The following ACACB variants were observed in gnomAD, a reference collection of about 807,000 sequenced individuals.
ACACB encodes acetyl-CoA carboxylase beta, also known as acetyl-CoA carboxylase 2.
Under a neutral mutation model 278.8 loss-of-function variants are expected in ACACB, and 209 were observed. That is an observed-to-expected ratio of 0.75 (90% confidence interval 0.67 to 0.84). The LOEUF (loss-of-function observed/expected upper bound fraction) is 0.84. Among genes scored for constraint, ACACB ranks in the 40% least tolerant of loss-of-function variants. The pLI is 0.00. For synonymous variants in ACACB, 1,174 were observed against 1,285.6 expected (o/e 0.91, Z 1.86); for missense variants, 2,850 against 3,269.0 (o/e 0.87, Z 3.13).
At chr12:109,257,302 T>C (rs2047252959) in intron 45 of ACACB, among the ~76,000 whole-genome samples, 1 of 151,296 alleles carries the variant, frequency 6.6e-6, no homozygotes, top group South Asian at 2.1e-4. Flanking sequence ...ATAAATTATA[T>C]TTTTAAAAGC....
At chr12:109,219,913 A>AT (rs1300732226) in intron 24 of ACACB, among the ~76,000 whole-genome samples, 1 of 152,186 alleles carries the variant, frequency 6.6e-6, no homozygotes, top group Non-Finnish European at 1.5e-5. Context: ...GGGGAGTTCT[A>AT]TTACTAAAAT....
At chr12:109,175,378 GGTT>G (rs1402264110) in intron 7 of ACACB, among the ~76,000 whole-genome samples, 1 of 152,012 alleles carries the variant, frequency 6.6e-6, no homozygotes, top group African/African-American at 2.4e-5. Flanking sequence ...AGATTAATAT[GGTT>G]GTTGTTGGTC....
chr12:109,151,469 C>A (rs931654724), intron 2 of ACACB, among the ~76,000 whole-genome samples: 2 of 151,928 alleles, frequency 1.3e-5, no homozygotes, highest in Non-Finnish European at 2.9e-5. Context: ...CAGTCCCCCC[C>A]ACCCCATATA....
chr12:109,256,250 C>T lies in ACACB; in HGVS notation c.6263+14C>T, dbSNP rs748281600. 97 of 1,609,734 alleles carry T rather than the reference C, an allele frequency of 6.0e-5. No homozygotes were observed. The highest frequency in any genetic ancestry group is 1.6e-4 in the Middle Eastern group (1 of 6,070). ...AGGACGAGCAAGGTAATCATGAAGA[C>T]GGGAGCAGGCTGCCCATGTCTGACT... On this transcript the variant is annotated intron_variant, in intron 45 of 52. Coordinates refer to ENST00000338432, the MANE Select transcript of ACACB (RefSeq NM_001093.4).
Position 109,171,794 on chromosome 12 carries a change from T to G in ACACB, c.926-11T>G. The G allele has an allele frequency of 1.9e-6, 3 of 1,606,450 alleles. No individual in the cohort carries two copies. Among genetic ancestry groups the G allele is most frequent in the Non-Finnish European group, 2.6e-6 (3 of 1,173,080 alleles). ...AGCAGTTCCTTCCTTCTCCCTCCCA[T>G]TTAATTTCAGAGTACATCAAGATGG... On this transcript the variant is annotated splice_polypyrimidine_tract_variant and intron_variant, in intron 4 of 52. Transcript: ENST00000338432.
At chr12:109,192,456 C>T (rs1417615744) in intron 15 of ACACB, among the ~76,000 whole-genome samples, 3 of 151,970 alleles carry the variant, frequency 2.0e-5, no homozygotes, top group Non-Finnish European at 2.9e-5. Context: ...GAACCTGTCC[C>T]GTGCATCATA....
At chr12:109,199,079 A>G (rs2045240219) in intron 17 of ACACB, among the ~76,000 whole-genome samples, 1 of 152,004 alleles carries the variant, frequency 6.6e-6, no homozygotes, top group African/African-American at 2.4e-5. Context: ...AGTCCCAGCT[A>G]TGCGGGAGGC....
intron 7 of ACACB, among the ~76,000 whole-genome samples, 173 bp downstream of exon 7, chr12:109,174,403 G>A (rs2044216327): frequency 6.6e-6 from 1 of 151,944 alleles, no homozygotes; most frequent in African/African-American, 2.4e-5. Flanking sequence ...GTAAACAAGT[G>A]GTATAATTTA....
At chr12:109,163,300 C>T (rs756888286) in intron 2 of ACACB, among the ~76,000 whole-genome samples, 7 of 152,182 alleles carry the variant, frequency 4.6e-5, no homozygotes, top group African/African-American at 9.7e-5. Flanking sequence ...ACAGAAACCA[C>T]GCTGGAGAAG....
intron 22 of ACACB, among the ~76,000 whole-genome samples, chr12:109,213,310 C>T (rs1005090956): frequency 6.6e-6 from 1 of 152,232 alleles, no homozygotes. Context: ...GTGATCCATT[C>T]TCCTCGACCT....
At chr12:109,159,409 G>A (rs1020207707) in intron 2 of ACACB, among the ~76,000 whole-genome samples, 2 of 152,236 alleles carry the variant, frequency 1.3e-5, no homozygotes, top group South Asian at 4.1e-4. Flanking sequence ...CTGGGCTCCT[G>A]TAATGCTATC....
intron 2 of ACACB, among the ~76,000 whole-genome samples, chr12:109,159,305 C>A (rs1264073373): frequency 6.6e-6 from 1 of 152,098 alleles, no homozygotes; most frequent in Non-Finnish European, 1.5e-5. Context: ...CTTAGCAGTG[C>A]GGGTAGCCGT....
chr12:109,249,899 CCAGT>C lies in ACACB; in HGVS notation c.5670-79_5670-76del, dbSNP rs2047048605. 4.0e-6 allele frequency: 6 copies of C among 1,487,506 alleles called. No homozygotes were observed. The East Asian group carries it at 1.5e-4, about 36-fold the overall frequency. The allele number at this position is 1,487,506 out of a possible 1,614,324, so 92.1% of individuals were successfully genotyped here. A position where few individuals can be genotyped will look rare whatever the true frequency, so the allele number is the denominator to read the frequency against. ...TGCTTCCAATCTCTCACCTTGCTGCCCAGTCAGTCCCTTCTTGGGAAATGCATCC... is the reference window on the plus strand; with the variant it reads ...TGCTTCCAATCTCTCACCTTGCTGCCCAGTCCCTTCTTGGGAAATGCATCC... On this transcript the variant is annotated intron_variant, in intron 40 of 52. Transcript: ENST00000338432.
intron 1 of ACACB, among the ~76,000 whole-genome samples, chr12:109,118,499 T>C (rs1056784935): frequency 6.7e-6 from 1 of 149,502 alleles, no homozygotes; most frequent in African/African-American, 2.5e-5. Context: ...CTGCAACCCC[T>C]GCCTCCCAGG....
At chr12:109,155,393 T>C (rs776208915) in intron 2 of ACACB, among the ~76,000 whole-genome samples, 3 of 152,218 alleles carry the variant, frequency 2.0e-5, no homozygotes, top group Non-Finnish European at 2.9e-5. Context: ...CCTGAGTGCT[T>C]TGTAGCTCTA....
intron 22 of ACACB, among the ~76,000 whole-genome samples, chr12:109,215,910 C>T (rs931228173): frequency 6.6e-6 from 1 of 152,214 alleles, no homozygotes; most frequent in Admixed American, 6.5e-5. Context: ...GATCCTATCA[C>T]CTCAGCCTCC....
At chr12:109,138,763 G>C (rs1340878860) in intron 1 of ACACB, among the ~76,000 whole-genome samples, 1 of 152,136 alleles carries the variant, frequency 6.6e-6, no homozygotes, top group East Asian at 1.9e-4. Flanking sequence ...GGCTGAGGCA[G>C]AATTGCTTGA....
At chr12:109,116,397 T>C (rs2042404379), upstream of ACACB, among the ~76,000 whole-genome samples, 1 of 152,162 alleles carries the variant, frequency 6.6e-6, no homozygotes, top group Non-Finnish European at 1.5e-5. Context: ...AATTATGAAA[T>C]AAAGCGAGTT....
At chr12:109,124,553 C>T (rs577830178) in intron 1 of ACACB, among the ~76,000 whole-genome samples, 6 of 152,320 alleles carry the variant, frequency 3.9e-5, no homozygotes, top group Admixed American at 2.0e-4. Flanking sequence ...GTCTGACCTC[C>T]GTCGTAAAGT....
Sources: allele counts gnomAD v4.1 joint callset (sites outside exome capture counted in the v4.1 genomes callset), GRCh38; gene constraint gnomAD v4.1.1; transcripts MANE v1.5; gene names NCBI Gene and HGNC (gene_info 2026-07-23, HGNC 2026-07-21).